CSMD3: variants seen among roughly 807,000 people sequenced by gnomAD.
CSMD3 encodes the protein CUB and Sushi multiple domains 3, also known as CUB and sushi domain-containing protein 3.
Under a neutral mutation model 435.2 loss-of-function variants are expected in CSMD3, and 177 were observed. That is an observed-to-expected ratio of 0.41 (90% CI 0.36 to 0.46). CSMD3 has a LOEUF of 0.46. CSMD3 is among the 20% of genes least tolerant of loss of function. The pLI, the probability that CSMD3 is intolerant of heterozygous loss-of-function variation, is 0.34. For synonymous variants in CSMD3, 1,656 were observed against 1,520.5 expected (o/e 1.09, Z -2.07); for missense variants, 4,265 against 4,504.6 (o/e 0.95, Z 1.52).
chr8:112,451,097 G>C (rs753373108), intron 32 of CSMD3, among the ~76,000 whole-genome samples: 7 of 152,036 alleles, frequency 4.6e-5, no homozygotes, highest in Non-Finnish European at 8.8e-5. Flanking sequence ...AAAAATATTT[G>C]ATAGCAAACA....
intron 4 of CSMD3, among the ~76,000 whole-genome samples, chr8:113,113,009 C>A (rs2090710310): frequency 6.6e-6 from 1 of 152,180 alleles, no homozygotes; most frequent in African/African-American, 2.4e-5. Flanking sequence ...CCCCGCAATG[C>A]CACAGCTGAC....
At chr8:112,880,046 G>A (rs373444123) in intron 10 of CSMD3, among the ~76,000 whole-genome samples, 2 of 151,914 alleles carry the variant, frequency 1.3e-5, no homozygotes, top group South Asian at 2.1e-4. Context: ...TTCTGCACAC[G>A]TATCCCAGAA....
chr8:112,623,197 T>C (rs551741931), intron 22 of CSMD3, among the ~76,000 whole-genome samples: 8 of 152,208 alleles, frequency 5.3e-5, no homozygotes, highest in South Asian at 2.1e-4. Flanking sequence ...TACAGTTGAA[T>C]TGGGGATTCG....
intron 5 of CSMD3, among the ~76,000 whole-genome samples, chr8:113,027,188 G>C (rs1250285614): frequency 6.6e-6 from 1 of 152,028 alleles, no homozygotes; most frequent in Non-Finnish European, 1.5e-5. Flanking sequence ...AAACTGCCCA[G>C]CAAACATTCT....
intron 24 of CSMD3, among the ~76,000 whole-genome samples, chr8:112,564,267 T>C (rs1345357646): frequency 6.6e-6 from 1 of 151,462 alleles, no homozygotes; most frequent in Non-Finnish European, 1.5e-5. Flanking sequence ...ATAGGGAGGT[T>C]TTCTTGGCCC....
At chr8:113,050,041 G>A (rs890938396) in intron 5 of CSMD3, among the ~76,000 whole-genome samples, 2 of 151,942 alleles carry the variant, frequency 1.3e-5, no homozygotes, top group African/African-American at 4.8e-5. Context: ...CTCTTTAGCG[G>A]AAATAAAAAC....
chr8:113,013,032 T>C (rs2086314672), intron 6 of CSMD3, among the ~76,000 whole-genome samples: 1 of 152,022 alleles, frequency 6.6e-6, no homozygotes, highest in African/African-American at 2.4e-5. Context: ...AAATATATCA[T>C]TGAACATATT....
At chr8:113,001,192 A>G (rs981110023) in intron 6 of CSMD3, among the ~76,000 whole-genome samples, 3 of 151,994 alleles carry the variant, frequency 2.0e-5, no homozygotes, top group Middle Eastern at 3.2e-3. Context: ...ACTATAGTAT[A>G]TTTTCCAGAA....
At chr8:112,957,882 G>T (rs1469982467) in intron 7 of CSMD3, among the ~76,000 whole-genome samples, 1 of 151,980 alleles carries the variant, frequency 6.6e-6, no homozygotes, top group Non-Finnish European at 1.5e-5. Flanking sequence ...AGTAGCTGGG[G>T]TTACAAGCGC....
chr8:113,363,283 C>T (rs2094289151), intron 1 of CSMD3, among the ~76,000 whole-genome samples: 1 of 125,158 alleles, frequency 8.0e-6, no homozygotes, highest in Non-Finnish European at 1.8e-5. Context: ...TAATTGCTTA[C>T]ACGCGTGTTT....
intron 30 of CSMD3, among the ~76,000 whole-genome samples, chr8:112,499,256 C>CA (rs1163472458): frequency 2.6e-5 from 4 of 151,876 alleles, no homozygotes; most frequent in African/African-American, 9.7e-5. Context: ...TCCAAGGTAT[C>CA]AAAAAACCAG....
chr8:112,527,350 TAAAAGGGTCAA>T (rs1249561615), intron 27 of CSMD3, among the ~76,000 whole-genome samples: 1 of 151,428 alleles, frequency 6.6e-6, no homozygotes, highest in East Asian at 1.9e-4. Flanking sequence ...TTCATATCAA[TAAAAGGGTCAA>T]AAAAGGGTCA....
Position 113,195,812 on chromosome 8 carries a change from T to C in CSMD3, c.515-21896A>G, listed in dbSNP as rs868092122. On this transcript the variant is annotated intron_variant, in intron 3 of 70. Coordinates refer to ENST00000297405, the MANE Select transcript of CSMD3 (RefSeq NM_198123.2). ...TATTTTATATATATATATATATATATATACACACACACACACACACACACA... is the reference window on the plus strand; with the variant it reads ...TATTTTATATATATATATATATATACATACACACACACACACACACACACA... Among the ~76,000 whole-genome samples the C allele has an allele frequency of 7.0e-3, 983 of 139,504 alleles. 19 individuals are homozygous for C. Among genetic ancestry groups the C allele is most frequent in the African/African-American group, 0.024 (855 of 35,970 alleles). The allele number at this position is 139,504 out of a possible 152,430, so 91.5% of individuals were successfully genotyped here.
chr8:112,269,185 T>C (rs1377107009), intron 59 of CSMD3, among the ~76,000 whole-genome samples: 2 of 152,224 alleles, frequency 1.3e-5, no homozygotes, highest in Non-Finnish European at 2.9e-5. Context: ...AGTTTTATGC[T>C]GGGATATCCC....
intron 21 of CSMD3, among the ~76,000 whole-genome samples, 157 bp from the exon 22 acceptor site, chr8:112,637,162 A>G (rs2074684545): frequency 6.6e-6 from 1 of 152,182 alleles, no homozygotes; most frequent in African/African-American, 2.4e-5. Context: ...AATGGCACAC[A>G]TACGTTTCTT....
At chr8:113,279,390 A>G (rs1224873652) in intron 2 of CSMD3, among the ~76,000 whole-genome samples, 2 of 151,456 alleles carry the variant, frequency 1.3e-5, no homozygotes, top group African/African-American at 4.8e-5. Context: ...GAAACAATAA[A>G]TATTTGAACT....
intron 52 of CSMD3, among the ~76,000 whole-genome samples, 157 bp from the exon 53 acceptor site, chr8:112,302,123 G>T (rs745577437): frequency 6.6e-6 from 1 of 152,022 alleles, no homozygotes; most frequent in African/African-American, 2.4e-5. Context: ...TGAAAGTAGG[G>T]AGAAAAGAGA....
At chr8:112,495,089 T>G (rs1821202250) in intron 30 of CSMD3, among the ~76,000 whole-genome samples, 1 of 152,164 alleles carries the variant, frequency 6.6e-6, no homozygotes, top group Non-Finnish European at 1.5e-5. Flanking sequence ...ACTACTTAAT[T>G]TGGTCACTAA....
chr8:112,800,175 C>G lies in CSMD3; in HGVS notation c.1959G>C (p.Lys653Asn), dbSNP rs2132329291. The G allele has an allele frequency of 2.5e-6, 4 of 1,608,632 alleles. No individual in the cohort carries two copies. Among genetic ancestry groups the G allele is most frequent in the Non-Finnish European group, 3.4e-6 (4 of 1,175,324 alleles). Residue 653 changes from lysine (K) to asparagine (N), a missense_variant, in exon 13 of 71, where the codon AAG (lysine) becomes AAC (asparagine). Transcript: ENST00000297405. Reference protein sequence around the residue: ...TDESVGSVGFKVNYKEIEKES... With the variant: ...TDESVGSVGFNVNYKEIEKES... ...ATTAATCATTACCTTTGTAGTTAAC[C>G]TTGAAACCAACAGATCCAACACTTT... is the stretch of plus-strand genomic sequence containing the variant.
Sources: gnomAD v4.1 joint callset for allele counts (sites outside exome capture counted in the v4.1 genomes callset) on GRCh38, gnomAD v4.1.1 for gene constraint, MANE v1.5 for transcripts, NCBI Gene and HGNC (gene_info 2026-07-23, HGNC 2026-07-21) for gene names.